The following SHROOM4 variants were observed in gnomAD, a reference collection of about 807,000 sequenced individuals.
The protein encoded by SHROOM4 is shroom family member 4, also known as protein Shroom4.
SHROOM4 carries 17 observed loss-of-function variants against 80.3 expected under a neutral mutation model. The observed-to-expected ratio is 0.21, with a 90% CI of 0.14 to 0.32. SHROOM4 has a LOEUF of 0.32. Among genes scored for constraint, SHROOM4 ranks in the 10% least tolerant of loss-of-function variants. The pLI, the probability that SHROOM4 is intolerant of heterozygous loss-of-function variation, is 1.00. For missense variants in SHROOM4, 993 were observed against 1,140.3 expected, an observed-to-expected ratio of 0.87 and a Z score of 1.86; for synonymous variants, 400 against 437.5, an observed-to-expected ratio of 0.91 and a Z score of 1.07.
At chrX:50,686,697 T>C (rs1677826562) in intron 2 of SHROOM4, among the ~76,000 whole-genome samples, 1 of 111,299 alleles carries the variant, frequency 9.0e-6, no homozygotes, top group Admixed American at 9.5e-5. Context: ...AGTGTTCTTA[T>C]CATACGGATG....
intron 2 of SHROOM4, among the ~76,000 whole-genome samples, chrX:50,687,585 G>C (rs1933108657): frequency 9.0e-6 from 1 of 110,909 alleles, no homozygotes; most frequent in Admixed American, 9.7e-5. Context: ...ATAGATGGCA[G>C]GAGTATTATG....
chrX:50,738,337 C>T (rs1281453535), intron 1 of SHROOM4, among the ~76,000 whole-genome samples: 2 of 110,436 alleles, frequency 1.8e-5, no homozygotes, highest in African/African-American at 3.3e-5. Flanking sequence ...CGGGCAATCA[C>T]GCAGGAGAAA....
chrX:50,632,737 C>T (rs1230624736), intron 4 of SHROOM4, among the ~76,000 whole-genome samples: 1 of 112,216 alleles, frequency 8.9e-6, no homozygotes, highest in Non-Finnish European at 1.9e-5. Context: ...TCCATAGACA[C>T]AATCTGATTT....
intron 6 of SHROOM4, among the ~76,000 whole-genome samples, chrX:50,605,655 G>C (rs1557248379): frequency 8.9e-6 from 1 of 112,386 alleles, no homozygotes; most frequent in East Asian, 2.8e-4. Flanking sequence ...CCTATGGAAA[G>C]AACAAGATCT....
chrX:50,747,735 C>G (rs781943056), intron 1 of SHROOM4, among the ~76,000 whole-genome samples: 2 of 111,977 alleles, frequency 1.8e-5, no homozygotes, highest in South Asian at 7.5e-4. Flanking sequence ...TTGGCTCAAA[C>G]AAGAAAGAAT....
chrX:50,723,712 C>T (rs1356163285), intron 1 of SHROOM4, among the ~76,000 whole-genome samples: 1 of 110,653 alleles, frequency 9.0e-6, no homozygotes, highest in Non-Finnish European at 1.9e-5. Flanking sequence ...AAGTCCGTCC[C>T]CTTCTTAATC....
intron 1 of SHROOM4, among the ~76,000 whole-genome samples, chrX:50,721,890 A>G (rs1934120922): frequency 9.0e-6 from 1 of 110,742 alleles, no homozygotes; most frequent in Non-Finnish European, 1.9e-5. Flanking sequence ...GGGCCTCCTC[A>G]TTTGTCTCCA....
chrX:50,802,893 T>C (rs1013794223), intron 1 of SHROOM4, among the ~76,000 whole-genome samples: 1 of 112,317 alleles, frequency 8.9e-6, no homozygotes, highest in Non-Finnish European at 1.9e-5. Context: ...ATCAAGAAGA[T>C]CTCCACTGAC....
chrX:50,795,092 T>A (rs1935952052), intron 1 of SHROOM4, among the ~76,000 whole-genome samples: 1 of 65,051 alleles, frequency 1.5e-5, no homozygotes, highest in Non-Finnish European at 2.6e-5. Context: ...ATATATGATA[T>A]ATATATATGA....
Position 50,715,330 on chromosome X carries a change from C to G in SHROOM4, c.118-19393G>C, listed in dbSNP as rs370251099. Among the ~76,000 whole-genome samples the G allele has an allele frequency of 2.3e-4, 26 of 111,214 alleles. No individual in the cohort carries two copies. The East Asian group carries it at 6.6e-3, about 28-fold the overall frequency. ...CTGCTCTACTGGGCAGGGGGTCTCT[C>G]TCATACCTGTGTCCCCAGCACCTAT... On this transcript the variant is annotated intron_variant, in intron 1 of 8. Transcript: ENST00000376020.
At chrX:50,688,690 G>A (rs1933143386) in intron 2 of SHROOM4, among the ~76,000 whole-genome samples, 1 of 108,687 alleles carries the variant, frequency 9.2e-6, no homozygotes, top group African/African-American at 3.3e-5. Context: ...CTCTATAGAG[G>A]AAAAAAAATG....
At chrX:50,681,909 T>A (rs1452938020) in intron 2 of SHROOM4, among the ~76,000 whole-genome samples, 2 of 111,842 alleles carry the variant, frequency 1.8e-5, no homozygotes, top group Non-Finnish European at 3.8e-5. Flanking sequence ...TCCCTGATCG[T>A]CTTCTTTTCC....
intron 2 of SHROOM4, among the ~76,000 whole-genome samples, chrX:50,681,117 A>T (rs1267269694): frequency 9.1e-6 from 1 of 110,098 alleles, no homozygotes; most frequent in Non-Finnish European, 1.9e-5. Context: ...TCCAAATCCG[A>T]CTCATTACCA....
intron 1 of SHROOM4, among the ~76,000 whole-genome samples, chrX:50,783,691 T>C (rs1935677090): frequency 9.0e-6 from 1 of 110,898 alleles, no homozygotes; most frequent in South Asian, 3.9e-4. Flanking sequence ...TTCTCCTGCC[T>C]CAGCCTCCCA....
chrX:50,811,415 A>C (rs1936327849), intron 1 of SHROOM4, among the ~76,000 whole-genome samples: 1 of 110,908 alleles, frequency 9.0e-6, no homozygotes, highest in Non-Finnish European at 1.9e-5. Flanking sequence ...AGGTAGGGCA[A>C]GTGATATACC....
chrX:50,661,633 A>G (rs1021445523), intron 2 of SHROOM4, among the ~76,000 whole-genome samples: 5 of 112,537 alleles, frequency 4.4e-5, no homozygotes, highest in African/African-American at 1.3e-4. Context: ...CAGTCTATTC[A>G]TGTGCTTAGT....
At chrX:50,673,068 CAAAAG>C (rs1479121043) in intron 2 of SHROOM4, among the ~76,000 whole-genome samples, 3 of 110,570 alleles carry the variant, frequency 2.7e-5, no homozygotes, top group East Asian at 2.9e-4. Flanking sequence ...AAGGAAATGA[CAAAAG>C]AAGGATTCCT....
In SHROOM4 at chrX:50,595,173, A is replaced by G. The variant is rs1929047319; in HGVS notation, c.*1522T>C. ...AGTGAGGAACAGGGAGCTAAGCTGG[A>G]TAACAGGGCAGCATTTGGCCATAAC... On this transcript the variant is annotated 3_prime_UTR_variant, in exon 9 of 9. Transcript: ENST00000376020. 1 of 113,057 alleles carries G rather than the reference A, an allele frequency of 8.8e-6. No homozygotes were observed. The highest frequency in any genetic ancestry group is 3.2e-5 in the African/African-American group (1 of 30,889). The allele number at this position is 113,057 out of a possible 1,213,427, so 9.3% of individuals were successfully genotyped here.
At chrX:50,597,088 A>T in intron 8 of SHROOM4, 124 bp from the exon 9 acceptor site, 1 of 869,696 alleles carries the variant, frequency 1.1e-6, no homozygotes, top group Non-Finnish European at 1.6e-6. Flanking sequence ...CTAATTAGTC[A>T]GTCCTAGATT....
Sources: gnomAD v4.1 joint callset for allele counts (sites outside exome capture counted in the v4.1 genomes callset) on GRCh38, gnomAD v4.1.1 for gene constraint, MANE v1.5 for transcripts, NCBI Gene and HGNC (gene_info 2026-07-23, HGNC 2026-07-21) for gene names.